Variants in PCDHGB1 observed in about 807,000 individuals in gnomAD.
PCDHGB1 encodes the protein protocadherin gamma subfamily B, 1.
PCDHGB1 carries 34 observed loss-of-function variants against 56.6 expected under a neutral mutation model. The observed-to-expected ratio is 0.60, with a 90% CI of 0.46 to 0.80. The LOEUF (loss-of-function observed/expected upper bound fraction) is 0.80, where lower values mean the gene tolerates loss of function less well. Ranked by LOEUF, PCDHGB1 falls within the 30% of genes least tolerant of loss-of-function variation. The pLI is 0.00. For synonymous variants in PCDHGB1, 561 were observed against 505.9 expected, an observed-to-expected ratio of 1.11 and a Z score of -1.46; for missense variants, 1,278 against 1,204.6, an observed-to-expected ratio of 1.06 and a Z score of -0.90.
chr5:141,419,507 G>A (rs909984738), intron 1 of PCDHGB1: 2 of 1,612,198 alleles, frequency 1.2e-6, no homozygotes, highest in Non-Finnish European at 1.7e-6. Context: ...GAGCCTGCGC[G>A]TGTTGGTGGG....
chr5:141,478,672 A>G (rs1216792401), intron 1 of PCDHGB1: 22 of 1,551,540 alleles, frequency 1.4e-5, no homozygotes, highest in Admixed American at 2.0e-5. Flanking sequence ...CACACTTTCA[A>G]CTGGCCCTTC....
intron 1 of PCDHGB1, among the ~76,000 whole-genome samples, chr5:141,456,854 T>C (rs924765803): frequency 7.2e-5 from 11 of 151,950 alleles, no homozygotes; most frequent in Non-Finnish European, 1.3e-4. Context: ...TCCCAGCTAA[T>C]TGGGAGGCTG....
At chr5:141,508,983 C>T (rs532410967) in intron 3 of PCDHGB1, among the ~76,000 whole-genome samples, 44 of 152,148 alleles carry the variant, frequency 2.9e-4, no homozygotes, top group Non-Finnish European at 4.4e-4. Flanking sequence ...GGGGTGGGGG[C>T]CAGCTGGGGT....
intron 1 of PCDHGB1, chr5:141,409,789 G>C (rs1390138666): frequency 1.2e-6 from 2 of 1,611,918 alleles, no homozygotes; most frequent in African/African-American, 2.7e-5. Context: ...GCGCCTTCGC[G>C]CTCACGCTGC....
At chr5:141,460,335 T>C (rs1201595717) in intron 1 of PCDHGB1, among the ~76,000 whole-genome samples, 3 of 152,194 alleles carry the variant, frequency 2.0e-5, no homozygotes, top group Non-Finnish European at 4.4e-5. Flanking sequence ...CTTATGATGA[T>C]TTTCTCCTAT....
At position 141,485,221 on chromosome 5, in the gene PCDHGB1, C is replaced by A; in HGVS notation, c.2410-9586C>A. 4 of 1,614,118 alleles carry A rather than the reference C, an allele frequency of 2.5e-6. No individual in the cohort carries two copies. The highest frequency in any genetic ancestry group is 2.2e-5 in the East Asian group (1 of 44,868). ...GGACAGAAATCTGGCGGTGGGCTAC[C>A]CTTTTGTTCCTCTTTTACCACCTGG... On this transcript the variant is annotated intron_variant, in intron 1 of 3. Coordinates refer to ENST00000523390, the MANE Select transcript of PCDHGB1 (RefSeq NM_018922.3). The surrounding 1 kb of genome is among the most constrained non-coding windows in gnomAD (Gnocchi z 5.7).
chr5:141,366,403 C>CT (rs1296449913), intron 1 of PCDHGB1: 9 of 1,614,094 alleles, frequency 5.6e-6, no homozygotes, highest in African/African-American at 1.3e-5. Context: ...ACCTCACACT[C>CT]TATCTTGTGG....
In PCDHGB1 at chr5:141,432,647, C is replaced by T; in HGVS notation, c.2410-62160C>T. On this transcript the variant is annotated intron_variant, in intron 1 of 3. Coordinates refer to ENST00000523390, the MANE Select transcript of PCDHGB1 (RefSeq NM_018922.3). This position sits in a 1 kb window ranked among gnomAD's most constrained non-coding sequence, Gnocchi z 6.0. ...GCACACGGGCGAGGTGCGCACGGCG[C>T]GAGCCCTGCTGGACAGAGACGCGCT... 3 of 1,613,796 alleles carry T rather than the reference C, an allele frequency of 1.9e-6. No homozygotes were observed. Among genetic ancestry groups the T allele is most frequent in the Admixed American group, 1.7e-5 (1 of 60,008 alleles).
At chr5:141,492,705 C>T (rs2099743225) in intron 1 of PCDHGB1, among the ~76,000 whole-genome samples, 1 of 152,258 alleles carries the variant, frequency 6.6e-6, no homozygotes, top group South Asian at 2.1e-4. Flanking sequence ...ACCCAGAAGC[C>T]TCGAGCAGGC....
chr5:141,365,231 A>G, intron 1 of PCDHGB1: 1 of 1,613,980 alleles, frequency 6.2e-7, no homozygotes, highest in Non-Finnish European at 8.5e-7. Flanking sequence ...CCTGGGGGAA[A>G]TCTCAACTCT....
At position 141,489,545 on chromosome 5, in the gene PCDHGB1, G is replaced by A. The variant is rs1396651116; in HGVS notation, c.2410-5262G>A. On this transcript the variant is annotated intron_variant, in intron 1 of 3. Transcript: ENST00000523390. The surrounding 1 kb of genome is among the most constrained non-coding windows in gnomAD (Gnocchi z 4.5). ...AGCCTATGTGGAGCCAGCACCAGCT[G>A]CCTGCTGCCAGTGCAGGTGGTGACT... 3 of 1,613,984 alleles carry A rather than the reference G, an allele frequency of 1.9e-6. No individual in the cohort carries two copies. The highest frequency in any genetic ancestry group is 2.5e-6 in the Non-Finnish European group (3 of 1,180,022).
chr5:141,509,273 C>T (rs1026035086), intron 3 of PCDHGB1, among the ~76,000 whole-genome samples: 1 of 152,098 alleles, frequency 6.6e-6, no homozygotes, highest in Admixed American at 6.5e-5. Flanking sequence ...CTCTCGCTAC[C>T]CGCTCCCAGG....
intron 1 of PCDHGB1, chr5:141,399,349 C>G: frequency 6.2e-7 from 1 of 1,613,932 alleles, no homozygotes; most frequent in Non-Finnish European, 8.5e-7. Context: ...AACCCTAGAC[C>G]GAGAGCAAAC....
chr5:141,366,328 C>T (rs778365263), intron 1 of PCDHGB1: 1 of 1,613,870 alleles, frequency 6.2e-7, no homozygotes, highest in Non-Finnish European at 8.5e-7. Context: ...CCGTGGCCGA[C>T]AGGATCCCTG....
At chr5:141,426,826 T>C (rs2096963111) in intron 1 of PCDHGB1, 1 of 456,600 alleles carries the variant, frequency 2.2e-6, no homozygotes, top group Admixed American at 2.3e-5. Flanking sequence ...TCTCTGATGA[T>C]GGACAAGACT....
intron 1 of PCDHGB1, chr5:141,471,515 T>C (rs931181988): frequency 2.6e-5 from 4 of 152,276 alleles, no homozygotes; most frequent in African/African-American, 9.6e-5. Context: ...GGAGTAAAAA[T>C]AACAGCGAGG....
chr5:141,350,420 C>T lies in PCDHGB1; in HGVS notation c.160C>T (p.Leu54Phe). The change falls in exon 1 of 4, where the codon CTC becomes TTC. Residue 54 changes from leucine to phenylalanine, a missense_variant. Coordinates refer to ENST00000523390, the MANE Select transcript of PCDHGB1 (RefSeq NM_018922.3). ...RVGKLAKDLG[L>F]SVRELPTRKL... ...GGGGAAACTTGCCAAGGATCTGGGG[C>T]TCAGTGTCCGGGAGTTGCCAACTCG... The T allele has an allele frequency of 6.2e-7, 1 of 1,606,742 alleles. No individual in the cohort carries two copies. The highest frequency in any genetic ancestry group is 8.5e-7 in the Non-Finnish European group (1 of 1,174,272).
intron 1 of PCDHGB1, chr5:141,403,246 G>C: frequency 6.2e-7 from 1 of 1,613,930 alleles, no homozygotes; most frequent in South Asian, 1.1e-5. Flanking sequence ...TCTGTGCTCA[G>C]AGCCCGCGGT....
intron 1 of PCDHGB1, among the ~76,000 whole-genome samples, chr5:141,452,585 G>A (rs1310395736): frequency 6.6e-6 from 1 of 151,984 alleles, no homozygotes; most frequent in Non-Finnish European, 1.5e-5. Context: ...TTCCATCTTT[G>A]TATTTTTATT....
Sources: gnomAD v4.1 joint callset for allele counts (sites outside exome capture counted in the v4.1 genomes callset) on GRCh38, gnomAD v4.1.1 for gene constraint, Gnocchi (gnomAD v3.1) non-coding constraint, MANE v1.5 for transcripts, NCBI Gene and HGNC (gene_info 2026-07-23, HGNC 2026-07-21) for gene names.